The following DHX40 variants were observed in gnomAD, a reference collection of about 807,000 sequenced individuals.
The protein encoded by DHX40 is probable ATP-dependent RNA helicase DHX40.
In DHX40, 28 loss-of-function variants were observed where a neutral mutation model predicts 89.6. That is an observed-to-expected ratio of 0.31 (90% CI 0.23 to 0.43). The LOEUF (loss-of-function observed/expected upper bound fraction) is 0.43, where lower values mean the gene tolerates loss of function less well. Among genes scored for constraint, DHX40 ranks in the 20% least tolerant of loss-of-function variants. The pLI is 1.00. For synonymous variants in DHX40, 226 were observed against 283.6 expected (o/e 0.80, Z 2.04); for missense variants, 457 against 844.0 (o/e 0.54, Z 5.68).
chr17:59,604,240 A>G (rs1313365895), intron 15 of DHX40: 3 of 152,140 alleles, frequency 2.0e-5, no homozygotes, highest in Non-Finnish European at 2.9e-5. Flanking sequence ...TTTGAGGATG[A>G]TGGGGTATTA....
chr17:59,589,873 A>G (rs980651273), intron 12 of DHX40, among the ~76,000 whole-genome samples: 2 of 148,938 alleles, frequency 1.3e-5, no homozygotes, highest in African/African-American at 5.0e-5. Context: ...GGCATGGGCC[A>G]CCACGCCTGG....
chr17:59,606,147 G>C (rs1278070461), intron 17 of DHX40, among the ~76,000 whole-genome samples: 1 of 151,906 alleles, frequency 6.6e-6, no homozygotes, highest in Non-Finnish European at 1.5e-5. Context: ...CCCGGTTCAA[G>C]CTATTCTCCT....
intron 12 of DHX40, among the ~76,000 whole-genome samples, chr17:59,598,145 G>A (rs1390458156): frequency 6.6e-6 from 1 of 152,006 alleles, no homozygotes; most frequent in East Asian, 1.9e-4. Context: ...GGGATTACAG[G>A]TGTGAGCTAC....
chr17:59,575,483 T>C lies in DHX40; in HGVS notation c.973+12T>C. On this transcript the variant is annotated intron_variant, in intron 7 of 17. Transcript: ENST00000251241. ...ATCAATGACAACAGGTAATTTCTCA[T>C]TAGAATAGAAAATTTGATTTTTTAA... The C allele has an allele frequency of 6.2e-7, 1 of 1,609,220 alleles. No individual in the cohort carries two copies. Among genetic ancestry groups the C allele is most frequent in the Non-Finnish European group, 8.5e-7 (1 of 1,178,500 alleles).
intron 11 of DHX40, among the ~76,000 whole-genome samples, chr17:59,587,659 T>C (rs2049018492): frequency 6.6e-6 from 1 of 151,954 alleles, no homozygotes; most frequent in African/African-American, 2.4e-5. Flanking sequence ...GGTTTTGCCA[T>C]GTTGGCCAGG....
intron 3 of DHX40, 48 bp downstream of exon 3, chr17:59,570,711 G>A: frequency 1.9e-6 from 3 of 1,557,300 alleles, no homozygotes; most frequent in Non-Finnish European, 2.6e-6. Context: ...ATGGGACAGG[G>A]TCTTGCTCTG....
chr17:59,575,495 A>C lies in DHX40; in HGVS notation c.973+24A>C, dbSNP rs777399459. The C allele has an allele frequency of 4.7e-5, 75 of 1,607,502 alleles. No homozygotes were observed. The Admixed American group carries it at 1.3e-3, about 27-fold the overall frequency. ...AGGTAATTTCTCATTAGAATAGAAA[A>C]TTTGATTTTTTAAAAAAACTTTTTA... On this transcript the variant is annotated intron_variant, in intron 7 of 17. Transcript: ENST00000251241.
chr17:59,601,541 A>C (rs1044272494), intron 14 of DHX40, among the ~76,000 whole-genome samples: 4 of 151,996 alleles, frequency 2.6e-5, no homozygotes, highest in Non-Finnish European at 5.9e-5. Context: ...TTAAATTTTT[A>C]CATTTTATTT....
rs764341998 is a variant in DHX40 at position 59,575,444 on chromosome 17, T to C, written c.946T>C (p.Leu316=). The stretch of plus-strand genomic sequence containing the variant: ...TACCACCCTCGATGGCTTGTTAATA[T>C]TGCCGTGTTATGGATCAATGACAAC... ...QDTTLDGLLI[L]PCYGSMTTDQ... is the part of the protein sequence containing the mutation. Residue 316 remains leucine, a synonymous_variant, in exon 7 of 18, where the codon TTG becomes CTG. Transcript: ENST00000251241. 1.2e-6 allele frequency: 2 copies of C among 1,612,900 alleles called. No homozygotes were observed. The highest frequency in any genetic ancestry group is 2.7e-5 in the African/African-American group (2 of 74,886).
At chr17:59,603,632 G>T (rs1231808165) in intron 15 of DHX40, 1 of 152,098 alleles carries the variant, frequency 6.6e-6, no homozygotes, top group Non-Finnish European at 1.5e-5. Context: ...ATGTGAAATC[G>T]TGTCTATCGT....
At position 59,602,509 on chromosome 17, in the gene DHX40, A is replaced by G. The variant is rs369268245; in HGVS notation, c.1807-13A>G. On this transcript the variant is annotated splice_polypyrimidine_tract_variant and intron_variant, in intron 14 of 17. Transcript: ENST00000251241. ...CTATGAGATTTACCACTCTCTACAT[A>G]TTCTTTTTATAGCAAAGTGATTTCC... 9 of 1,601,692 alleles carry G rather than the reference A, an allele frequency of 5.6e-6. No homozygotes were observed. In the African/African-American group the frequency reaches 1.2e-4, roughly 21 times the overall value.
chr17:59,566,477 C>G (rs920360479), intron 1 of DHX40, 150 bp from the exon 2 acceptor site: 3 of 748,568 alleles, frequency 4.0e-6, no homozygotes, highest in African/African-American at 1.8e-5. Flanking sequence ...CGCTCATTAA[C>G]GCTCACTTAC....
At chr17:59,603,772 A>G (rs1292043542) in intron 15 of DHX40, 1 of 152,208 alleles carries the variant, frequency 6.6e-6, no homozygotes, top group African/African-American at 2.4e-5. Context: ...TGTGACCTAA[A>G]TCAAGCAATC....
chr17:59,600,931 C>T (rs537157176), intron 14 of DHX40, among the ~76,000 whole-genome samples: 2 of 150,244 alleles, frequency 1.3e-5, no homozygotes, highest in Admixed American at 1.3e-4. Flanking sequence ...TGTTGTGCAG[C>T]CCTTACCACT....
intron 12 of DHX40, among the ~76,000 whole-genome samples, chr17:59,589,314 C>T (rs1300971076): frequency 2.0e-5 from 3 of 149,692 alleles, no homozygotes; most frequent in Non-Finnish European, 4.5e-5. Flanking sequence ...CTCTGCCTCC[C>T]AGATTCGTGC....
At chr17:59,581,106 G>C (rs1465447740) in intron 10 of DHX40, among the ~76,000 whole-genome samples, 2 of 149,654 alleles carry the variant, frequency 1.3e-5, no homozygotes, top group Admixed American at 6.6e-5. Context: ...AAAACAAAAG[G>C]GTATACAGTT....
intron 2 of DHX40, among the ~76,000 whole-genome samples, chr17:59,568,837 CAT>C (rs34821349): frequency 0.42 from 61,468 of 146,972 alleles, 16,892 homozygotes; most frequent in African/African-American, 0.78. Flanking sequence ...ATGGAAGGTG[CAT>C]ATATATATAT....
In DHX40 at chr17:59,605,173, C is replaced by T; in HGVS notation, c.1960C>T (p.Pro654Ser). Reference sequence around the variant, plus strand: ...TCGTGGAAGCCCAGTTCACATTCATCCTTCCTCAGCAGTAAGTACTTCATT... The same window carrying T: ...TCGTGGAAGCCCAGTTCACATTCATTCTTCCTCAGCAGTAAGTACTTCATT... ...DGRGSPVHIH[P>S]SSALHEQETK... is the part of the protein sequence containing the mutation. Residue 654 changes from proline to serine, a missense_variant, in exon 16 of 18, where the codon CCT (proline) becomes TCT (serine). Coordinates refer to ENST00000251241, the MANE Select transcript of DHX40 (RefSeq NM_024612.5). The T allele has an allele frequency of 6.2e-7, 1 of 1,613,974 alleles. No homozygotes were observed. Among genetic ancestry groups the T allele is most frequent in the South Asian group, 1.1e-5 (1 of 91,074 alleles).
chr17:59,578,067 G>A (rs1210879864), intron 8 of DHX40, among the ~76,000 whole-genome samples: 1 of 152,134 alleles, frequency 6.6e-6, no homozygotes, highest in African/African-American at 2.4e-5. Context: ...GGTAAATTTA[G>A]TAAGGAAACA....
Sources: allele counts gnomAD v4.1 joint callset (sites outside exome capture counted in the v4.1 genomes callset), GRCh38; gene constraint gnomAD v4.1.1; transcripts MANE v1.5; gene names NCBI Gene and HGNC (gene_info 2026-07-23, HGNC 2026-07-21).